Variants in NPB observed in about 807,000 individuals in gnomAD.
NPB encodes neuropeptide B, also known as prepro-NPB.
NPB carries 8 observed loss-of-function variants against 6.7 expected under a neutral mutation model. The observed-to-expected ratio is 1.20, with a 90% CI of 0.71 to 2.17. NPB has a LOEUF of 2.17. Ranked by LOEUF, NPB falls within the 30% of genes most tolerant of loss-of-function variation. The probability of loss-of-function intolerance (pLI) is 0.00; values close to 1 mark genes in which losing one functional copy is unlikely to be tolerated. For synonymous variants in NPB, 118 were observed against 103.4 expected, an observed-to-expected ratio of 1.14 and a Z score of -0.86; for missense variants, 199 against 190.2, an observed-to-expected ratio of 1.05 and a Z score of -0.27.
chr17:81,902,461 G>T lies in NPB; in HGVS notation c.184G>T (p.Ala62Ser). ...GCGGCGCTCCCAGCCCTACAGAGGG[G>T]CGGAACCCCCGGGCGGGGCCGGCGC... is the stretch of plus-strand genomic sequence containing the variant. ...YARRSQPYRG[A>S]EPPGGAGASP... The change falls in exon 1 of 2, where the codon GCG becomes TCG. Residue 62 changes from alanine to serine, a missense_variant. Coordinates refer to ENST00000333383, the MANE Select transcript of NPB (RefSeq NM_148896.5). 1 of 1,388,254 alleles carries T rather than the reference G, an allele frequency of 7.2e-7. No individual in the cohort carries two copies. The highest frequency in any genetic ancestry group is 9.3e-7 in the Non-Finnish European group (1 of 1,080,498). The allele number at this position is 1,388,254 out of a possible 1,614,324, so 86.0% of individuals were successfully genotyped here.
chr17:81,902,712 C>A lies in NPB; in HGVS notation c.342C>A (p.Phe114Leu), dbSNP rs758891138. 1 of 1,608,764 alleles carries A rather than the reference C, an allele frequency of 6.2e-7. No homozygotes were observed. Among genetic ancestry groups the A allele is most frequent in the Non-Finnish European group, 8.5e-7 (1 of 1,178,796 alleles). The change falls in exon 2 of 2, where the codon TTC (phenylalanine) becomes TTA (leucine). Residue 114 changes from phenylalanine (F) to leucine (L), a missense_variant. By Grantham distance (22) the Phe-to-Leu change is conservative (BLOSUM62 0). Coordinates refer to ENST00000333383, the MANE Select transcript of NPB (RefSeq NM_148896.5). ...RGTYQCKANV[F>L]LSLRAADCLA... ...CCTACCAGTGCAAGGCGAACGTCTT[C>A]CTGTCCCTGCGCGCAGCCGACTGCC...
chr17:81,902,557 G>GGCGGCGGCAGGACGTGGGTGGGGGT (rs753316917), intron 1 of NPB, 31 bp downstream of exon 1: 20 of 1,495,444 alleles, frequency 1.3e-5, no homozygotes, highest in Non-Finnish European at 1.8e-5. Flanking sequence ...ACTGATGGGG[G>GGCGGCGGCAGGACGTGGGTGGGGGT]GCGGCGGCAG....
In NPB at chr17:81,902,385, G is replaced by T; in HGVS notation, c.108G>T (p.Ser36=). 7.5e-7 allele frequency: 1 copy of T among 1,342,060 alleles called. No individual in the cohort carries two copies. The highest frequency in any genetic ancestry group is 9.5e-7 in the Non-Finnish European group (1 of 1,053,638). 83.1% of individuals were successfully genotyped at this position (1,342,060 alleles called of 1,614,324 possible). The change falls in exon 1 of 2, where the codon TCG becomes TCT. Residue 36 remains serine, a synonymous_variant. Coordinates refer to ENST00000333383, the MANE Select transcript of NPB (RefSeq NM_148896.5). ...YKPAAGHSSY[S]VGRAAGLLSG... is the part of the protein sequence containing the mutation. The stretch of plus-strand genomic sequence containing the variant: ...CAGCGGCGGGGCACAGCTCCTACTC[G>T]GTGGGCCGCGCCGCGGGGCTGCTGT...
rs2039981643 is a variant in NPB at position 81,902,281 on chromosome 17, G to A, written c.4G>A (p.Ala2Thr). Residue 2 changes from alanine to threonine, a missense_variant, in exon 1 of 2, where the codon GCC becomes ACC. Coordinates refer to ENST00000333383, the MANE Select transcript of NPB (RefSeq NM_148896.5). M[A>T]RSATLAAAAL... ...CCACCAGTCAGCCGGCGTCCCCATGGCCCGGTCCGCGACACTGGCGGCCGC... is the reference window on the plus strand; with the variant it reads ...CCACCAGTCAGCCGGCGTCCCCATGACCCGGTCCGCGACACTGGCGGCCGC... The A allele has an allele frequency of 7.6e-7, 1 of 1,307,408 alleles. No homozygotes were observed. The highest frequency in any genetic ancestry group is 2.3e-5 in the South Asian group (1 of 43,102). The allele number at this position is 1,307,408 out of a possible 1,614,324, so 81.0% of individuals were successfully genotyped here. A position where few individuals can be genotyped will look rare whatever the true frequency, so the allele number is the denominator to read the frequency against.
intron 1 of NPB, 32 bp downstream of exon 1, chr17:81,902,558 G>T: frequency 6.7e-7 from 1 of 1,496,204 alleles, no homozygotes; most frequent in Non-Finnish European, 8.9e-7. Flanking sequence ...CTGATGGGGG[G>T]CGGCGGCAGG....
Position 81,902,823 on chromosome 17 carries a change from C to A in NPB, c.*75C>A. ...ACTCGGTGACCCCAGGCCCCTCCGG[C>A]GCGGGATGGCGCCCCAGGTCTCCCC... On this transcript the variant is annotated 3_prime_UTR_variant, in exon 2 of 2. Coordinates refer to ENST00000333383, the MANE Select transcript of NPB (RefSeq NM_148896.5). 7.4e-7 allele frequency: 1 copy of A among 1,354,146 alleles called. No individual in the cohort carries two copies. Among genetic ancestry groups the A allele is most frequent in the Non-Finnish European group, 9.9e-7 (1 of 1,007,344 alleles). The allele number at this position is 1,354,146 out of a possible 1,614,324, so 83.9% of individuals were successfully genotyped here.
rs770725160 is a variant in NPB at position 81,902,815 on chromosome 17, C to T, written c.*67C>T. 5 of 1,452,604 alleles carry T rather than the reference C, an allele frequency of 3.4e-6. No individual in the cohort carries two copies. In the African/African-American group the frequency reaches 4.4e-5, roughly 13 times the overall value. 90.0% of individuals were successfully genotyped at this position (1,452,604 alleles called of 1,614,324 possible). ...ACCGTCCCACTCGGTGACCCCAGGC[C>T]CCTCCGGCGCGGGATGGCGCCCCAG... On this transcript the variant is annotated 3_prime_UTR_variant, in exon 2 of 2. Coordinates refer to ENST00000333383, the MANE Select transcript of NPB (RefSeq NM_148896.5).
In NPB at chr17:81,902,471, C is replaced by T; in HGVS notation, c.194C>T (p.Pro65Leu). 2.9e-6 allele frequency: 4 copies of T among 1,391,012 alleles called. No homozygotes were observed. The highest frequency in any genetic ancestry group is 3.7e-6 in the Non-Finnish European group (4 of 1,081,534). 86.2% of individuals were successfully genotyped at this position (1,391,012 alleles called of 1,614,324 possible). A position where few individuals can be genotyped will look rare whatever the true frequency, so the allele number is the denominator to read the frequency against. Residue 65 changes from proline (P) to leucine (L), a missense_variant, in exon 1 of 2, where the codon CCG becomes CTG. Physicochemically the swap from Pro to Leu is moderately conservative, Grantham distance 98. Transcript: ENST00000333383. ...RSQPYRGAEP[P>L]GGAGASPELQ... Reference sequence around the variant, plus strand: ...CAGCCCTACAGAGGGGCGGAACCCCCGGGCGGGGCCGGCGCCTCCCCGGAG... The same window carrying T: ...CAGCCCTACAGAGGGGCGGAACCCCTGGGCGGGGCCGGCGCCTCCCCGGAG...
In NPB at chr17:81,902,752, C is replaced by T. The variant is rs970514757; in HGVS notation, c.*4C>T. 3 of 1,603,922 alleles carry T rather than the reference C, an allele frequency of 1.9e-6. No homozygotes were observed. Among genetic ancestry groups the T allele is most frequent in the South Asian group, 1.1e-5 (1 of 90,022 alleles). On this transcript the variant is annotated 3_prime_UTR_variant, in exon 2 of 2. Coordinates refer to ENST00000333383, the MANE Select transcript of NPB (RefSeq NM_148896.5). ...AGCCGACTGCCTCGCCGCCTGAGCC[C>T]GGACCTCTCCTGGCACCGCTGGGGG... is the stretch of plus-strand genomic sequence containing the variant.
rs752108362 is a variant in NPB at position 81,902,777 on chromosome 17, G to T, written c.*29G>T. 1 of 1,575,312 alleles carries T rather than the reference G, an allele frequency of 6.3e-7. No individual in the cohort carries two copies. The highest frequency in any genetic ancestry group is 8.6e-7 in the Non-Finnish European group (1 of 1,164,028). On this transcript the variant is annotated 3_prime_UTR_variant, in exon 2 of 2. Coordinates refer to ENST00000333383, the MANE Select transcript of NPB (RefSeq NM_148896.5). ...CGGACCTCTCCTGGCACCGCTGGGGGCCCCCCGCCCCCACCGTCCCACTCG... is the reference window on the plus strand; with the variant it reads ...CGGACCTCTCCTGGCACCGCTGGGGTCCCCCCGCCCCCACCGTCCCACTCG...
chr17:81,902,890 A>C lies in NPB; in HGVS notation c.*142A>C. 1.4e-5 allele frequency: 10 copies of C among 704,644 alleles called. No individual in the cohort carries two copies. Among genetic ancestry groups the C allele is most frequent in the South Asian group, 2.2e-5 (1 of 44,824 alleles). 43.6% of individuals were successfully genotyped at this position (704,644 alleles called of 1,614,324 possible). The stretch of plus-strand genomic sequence containing the variant: ...CAGTTAATGGCAAACGAATAAATAA[A>C]TGAGGCGGCCTCGGAGTGAGGGGTG... On this transcript the variant is annotated 3_prime_UTR_variant, in exon 2 of 2. Transcript: ENST00000333383.
At position 81,902,657 on chromosome 17, in the gene NPB, G is replaced by A. The variant is rs191490396; in HGVS notation, c.287G>A (p.Arg96Lys). 249 of 1,606,790 alleles carry A rather than the reference G, an allele frequency of 1.5e-4. 4 individuals carry two copies. The Admixed American group carries it at 4.0e-3, about 26-fold the overall frequency. Residue 96 changes from arginine (R) to lysine (K), a missense_variant, in exon 2 of 2, where the codon AGG becomes AAG. Arg to Lys is a conservative substitution (Grantham distance 26). Coordinates refer to ENST00000333383, the MANE Select transcript of NPB (RefSeq NM_148896.5). ...CVQDVAPNLQ[R>K]CERLPDGRGT... ...CAGGACGTCGCCCCAAACCTGCAGAGGTGCGAGCGGCTCCCCGACGGCCGC... is the reference window on the plus strand; with the variant it reads ...CAGGACGTCGCCCCAAACCTGCAGAAGTGCGAGCGGCTCCCCGACGGCCGC...
chr17:81,902,810 C>G lies in NPB; in HGVS notation c.*62C>G, dbSNP rs1334651941. 8.8e-6 allele frequency: 13 copies of G among 1,475,664 alleles called. No individual in the cohort carries two copies. The highest frequency in any genetic ancestry group is 1.2e-5 in the Non-Finnish European group (13 of 1,105,826). The allele number at this position is 1,475,664 out of a possible 1,614,324, so 91.4% of individuals were successfully genotyped here. A position where few individuals can be genotyped will look rare whatever the true frequency, so the allele number is the denominator to read the frequency against. ...CCCCCACCGTCCCACTCGGTGACCC[C>G]AGGCCCCTCCGGCGCGGGATGGCGC... On this transcript the variant is annotated 3_prime_UTR_variant, in exon 2 of 2. Transcript: ENST00000333383.
rs1371217836 is a variant in NPB, at chr17:81,902,257, C to A, written c.-21C>A. The A allele has an allele frequency of 3.2e-6, 4 of 1,237,440 alleles. No individual in the cohort carries two copies. In the African/African-American group the frequency reaches 6.3e-5, roughly 19 times the overall value. 76.7% of individuals were successfully genotyped at this position (1,237,440 alleles called of 1,614,324 possible). Reference sequence around the variant, plus strand: ...TGCTCCGAGCCCGGACGCCGCCGCCCACCAGTCAGCCGGCGTCCCCATGGC... The same window carrying A: ...TGCTCCGAGCCCGGACGCCGCCGCCAACCAGTCAGCCGGCGTCCCCATGGC... On this transcript the variant is annotated 5_prime_UTR_variant, in exon 1 of 2. Coordinates refer to ENST00000333383, the MANE Select transcript of NPB (RefSeq NM_148896.5).
At position 81,902,251 on chromosome 17, in the gene NPB, G is replaced by C. The variant is rs1371513319; in HGVS notation, c.-27G>C. On this transcript the variant is annotated 5_prime_UTR_variant, in exon 1 of 2. Coordinates refer to ENST00000333383, the MANE Select transcript of NPB (RefSeq NM_148896.5). ...GGTGGCTGCTCCGAGCCCGGACGCC[G>C]CCGCCCACCAGTCAGCCGGCGTCCC... The C allele has an allele frequency of 1.6e-6, 2 of 1,230,946 alleles. No individual in the cohort carries two copies. The highest frequency in any genetic ancestry group is 3.1e-5 in the African/African-American group (2 of 63,684). The allele number at this position is 1,230,946 out of a possible 1,614,324, so 76.3% of individuals were successfully genotyped here.
chr17:81,902,735 G>A lies in NPB; in HGVS notation c.365G>A (p.Cys122Tyr). The A allele has an allele frequency of 6.2e-7, 1 of 1,606,764 alleles. No homozygotes were observed. The highest frequency in any genetic ancestry group is 2.2e-5 in the East Asian group (1 of 44,572). The change falls in exon 2 of 2, where the codon TGC becomes TAC. Residue 122 changes from cysteine to tyrosine, a missense_variant. Transcript: ENST00000333383. ...TTCCTGTCCCTGCGCGCAGCCGACTGCCTCGCCGCCTGAGCCCGGACCTCT... is the reference window on the plus strand; with the variant it reads ...TTCCTGTCCCTGCGCGCAGCCGACTACCTCGCCGCCTGAGCCCGGACCTCT... ...NVFLSLRAADCLAA is the reference protein window; with the variant it reads ...NVFLSLRAADYLAA
Position 81,902,271 on chromosome 17 carries a change from C to T in NPB, c.-7C>T, listed in dbSNP as rs1297243707. On this transcript the variant is annotated 5_prime_UTR_variant, in exon 1 of 2. Coordinates refer to ENST00000333383, the MANE Select transcript of NPB (RefSeq NM_148896.5). ...ACGCCGCCGCCCACCAGTCAGCCGG[C>T]GTCCCCATGGCCCGGTCCGCGACAC... 1.6e-6 allele frequency: 2 copies of T among 1,252,010 alleles called. No homozygotes were observed. Among genetic ancestry groups the T allele is most frequent in the African/African-American group, 1.6e-5 (1 of 63,966 alleles). 77.6% of individuals were successfully genotyped at this position (1,252,010 alleles called of 1,614,324 possible).
rs532885259 is a variant in NPB at position 81,902,268 on chromosome 17, C to G, written c.-10C>G. ...CGGACGCCGCCGCCCACCAGTCAGC[C>G]GGCGTCCCCATGGCCCGGTCCGCGA... On this transcript the variant is annotated 5_prime_UTR_variant, in exon 1 of 2. Coordinates refer to ENST00000333383, the MANE Select transcript of NPB (RefSeq NM_148896.5). 108 of 1,251,072 alleles carry G rather than the reference C, an allele frequency of 8.6e-5. No homozygotes were observed. The highest frequency in any genetic ancestry group is 5.3e-4 in the African/African-American group (34 of 63,948). The allele number at this position is 1,251,072 out of a possible 1,614,324, so 77.5% of individuals were successfully genotyped here.
rs532885259 is a variant in NPB, at chr17:81,902,268, C to T, written c.-10C>T. ...CGGACGCCGCCGCCCACCAGTCAGC[C>T]GGCGTCCCCATGGCCCGGTCCGCGA... On this transcript the variant is annotated 5_prime_UTR_variant, in exon 1 of 2. Transcript: ENST00000333383. The T allele has an allele frequency of 1.9e-5, 24 of 1,251,180 alleles. No homozygotes were observed. In the South Asian group the frequency reaches 5.1e-4, roughly 26 times the overall value. The allele number at this position is 1,251,180 out of a possible 1,614,324, so 77.5% of individuals were successfully genotyped here.
Sources: gnomAD v4.1 joint callset for allele counts on GRCh38, gnomAD v4.1.1 for gene constraint, MANE v1.5 for transcripts, NCBI Gene and HGNC (gene_info 2026-07-23, HGNC 2026-07-21) for gene names.